The following CRACD variants were observed in gnomAD, a reference collection of about 807,000 sequenced individuals.
The protein encoded by CRACD is capping protein inhibiting regulator of actin dynamics.
CRACD carries 56 observed loss-of-function variants against 106.8 expected under a neutral mutation model. That is an observed-to-expected ratio of 0.52 (90% CI 0.42 to 0.66). The LOEUF (loss-of-function observed/expected upper bound fraction) is 0.66, where lower values mean the gene tolerates loss of function less well. CRACD is among the 30% of genes least tolerant of loss of function. The probability of loss-of-function intolerance (pLI) is 0.00; values close to 1 mark genes in which losing one functional copy is unlikely to be tolerated. For synonymous variants in CRACD, 754 were observed against 670.8 expected, an observed-to-expected ratio of 1.12 and a Z score of -1.92; for missense variants, 1,730 against 1,623.2, an observed-to-expected ratio of 1.07 and a Z score of -1.13.
intron 3 of CRACD, among the ~76,000 whole-genome samples, chr4:56,296,104 C>T (rs1744010016): frequency 6.6e-6 from 1 of 152,176 alleles, no homozygotes; most frequent in South Asian, 2.1e-4. Flanking sequence ...TCTTCCTCTC[C>T]CATACCCTGT....
intron 1 of CRACD, among the ~76,000 whole-genome samples, chr4:56,099,487 G>A (rs752288312): frequency 2.0e-4 from 31 of 152,092 alleles, no homozygotes; most frequent in Non-Finnish European, 3.5e-4. Flanking sequence ...TCCTTCAGCC[G>A]CTCACACTGG....
chr4:56,327,923 G>T lies in CRACD; in HGVS notation c.*119G>T. ...TAGGGAAAAGAAGCATGTTTTATAG[G>T]CTCCAAAATAATGTTTAGAAACTGA... On this transcript the variant is annotated 3_prime_UTR_variant, in exon 11 of 11. Coordinates refer to ENST00000682029, the MANE Select transcript of CRACD (RefSeq NM_001393381.1). The T allele has an allele frequency of 3.4e-6, 3 of 884,128 alleles. No homozygotes were observed. The Admixed American group carries it at 8.5e-5, about 25-fold the overall frequency. 54.8% of individuals were successfully genotyped at this position (884,128 alleles called of 1,614,324 possible). A position where few individuals can be genotyped will look rare whatever the true frequency, so the allele number is the denominator to read the frequency against.
intron 2 of CRACD, among the ~76,000 whole-genome samples, chr4:56,199,673 C>T (rs1737788087): frequency 7.3e-6 from 1 of 136,374 alleles, no homozygotes; most frequent in Admixed American, 7.8e-5. Flanking sequence ...CAGAGCGAAA[C>T]TCCGTCTCAA....
intron 2 of CRACD, among the ~76,000 whole-genome samples, chr4:56,257,005 A>G (rs1158429031): frequency 1.3e-5 from 2 of 152,056 alleles, no homozygotes; most frequent in African/African-American, 4.8e-5. Context: ...AGGCAATAAG[A>G]TACATTACAA....
At chr4:56,267,369 G>C (rs1254345247) in intron 2 of CRACD, among the ~76,000 whole-genome samples, 1 of 152,132 alleles carries the variant, frequency 6.6e-6, no homozygotes, top group Non-Finnish European at 1.5e-5. Flanking sequence ...TGATCCGCCT[G>C]CCTCAGCCCC....
chr4:56,264,176 G>A (rs756043409), intron 2 of CRACD, among the ~76,000 whole-genome samples: 1 of 152,100 alleles, frequency 6.6e-6, no homozygotes, highest in Non-Finnish European at 1.5e-5. Flanking sequence ...CATGAGAACA[G>A]CAAGGGAGAA....
intron 2 of CRACD, among the ~76,000 whole-genome samples, chr4:56,191,007 T>C (rs1737346075): frequency 6.6e-6 from 1 of 151,986 alleles, no homozygotes; most frequent in Admixed American, 6.6e-5. Context: ...CAAGATGAGA[T>C]TTTCATGGGG....
chr4:56,128,818 T>C (rs940419849), intron 1 of CRACD, among the ~76,000 whole-genome samples: 18 of 152,120 alleles, frequency 1.2e-4, no homozygotes, highest in Admixed American at 3.3e-4. Flanking sequence ...AAAGACCATA[T>C]TCTGTGATAA....
chr4:56,139,025 G>A (rs1735104888), intron 1 of CRACD, among the ~76,000 whole-genome samples: 1 of 152,152 alleles, frequency 6.6e-6, no homozygotes, highest in East Asian at 1.9e-4. Flanking sequence ...CTGATGACAT[G>A]AAGAAAAATG....
chr4:56,096,394 G>A (rs1733600458), intron 1 of CRACD, among the ~76,000 whole-genome samples: 1 of 152,118 alleles, frequency 6.6e-6, no homozygotes, highest in Non-Finnish European at 1.5e-5. Context: ...AAGTTCTGGA[G>A]CCTAAAGATG....
intron 2 of CRACD, among the ~76,000 whole-genome samples, chr4:56,252,355 T>A (rs1039387314): frequency 7.9e-5 from 12 of 152,054 alleles, no homozygotes; most frequent in African/African-American, 2.7e-4. Context: ...TACCAGGGAT[T>A]TTTTTTTCCC....
chr4:56,190,351 G>T (rs1463454202), intron 2 of CRACD, among the ~76,000 whole-genome samples: 5 of 152,080 alleles, frequency 3.3e-5, no homozygotes, highest in Non-Finnish European at 7.4e-5. Context: ...GGGATGGCTG[G>T]GTCAAATGCT....
At chr4:56,087,122 C>A (rs1212899106) in intron 1 of CRACD, among the ~76,000 whole-genome samples, 1 of 152,072 alleles carries the variant, frequency 6.6e-6, no homozygotes, top group East Asian at 1.9e-4. Flanking sequence ...AGCAACTCTC[C>A]CTGCCTCAGC....
intron 3 of CRACD, among the ~76,000 whole-genome samples, chr4:56,289,908 T>C (rs1743606917): frequency 6.6e-6 from 1 of 152,220 alleles, no homozygotes; most frequent in South Asian, 2.1e-4. Flanking sequence ...TCTGTTTTGA[T>C]TGAGTCTCTC....
intron 2 of CRACD, among the ~76,000 whole-genome samples, chr4:56,239,393 T>C (rs1740224007): frequency 6.6e-6 from 1 of 152,102 alleles, no homozygotes; most frequent in African/African-American, 2.4e-5. Flanking sequence ...TTTTATTTCC[T>C]TGGGGAAACA....
intron 1 of CRACD, among the ~76,000 whole-genome samples, chr4:56,168,373 G>T (rs1736231914): frequency 6.6e-6 from 1 of 151,946 alleles, no homozygotes; most frequent in Non-Finnish European, 1.5e-5. Context: ...AACCGACCTT[G>T]CATTCCTGGG....
chr4:56,328,434 T>C lies in CRACD; in HGVS notation c.*630T>C. ...ATCCATTCACATTTTTACCGCACTG[T>C]GGATTCATAGTGTGGGGCCCTGTTA... On this transcript the variant is annotated 3_prime_UTR_variant, in exon 11 of 11. Coordinates refer to ENST00000682029, the MANE Select transcript of CRACD (RefSeq NM_001393381.1). The C allele has an allele frequency of 1.9e-6, 1 of 517,956 alleles. No individual in the cohort carries two copies. The allele number at this position is 517,956 out of a possible 1,614,324, so 32.1% of individuals were successfully genotyped here. A position where few individuals can be genotyped will look rare whatever the true frequency, so the allele number is the denominator to read the frequency against.
intron 1 of CRACD, among the ~76,000 whole-genome samples, chr4:56,083,716 T>C (rs1733116949): frequency 1.3e-5 from 2 of 152,140 alleles, no homozygotes; most frequent in African/African-American, 4.8e-5. Flanking sequence ...GGCTCATACC[T>C]AGAATCCCAA....
intron 1 of CRACD, among the ~76,000 whole-genome samples, chr4:56,063,367 T>G (rs1444369819): frequency 4.6e-5 from 7 of 152,082 alleles, no homozygotes; most frequent in Non-Finnish European, 8.8e-5. Context: ...CAAAAAAATT[T>G]TTTATTGTGG....
Sources: gnomAD v4.1 joint callset for allele counts (sites outside exome capture counted in the v4.1 genomes callset) on GRCh38, gnomAD v4.1.1 for gene constraint, MANE v1.5 for transcripts, NCBI Gene and HGNC (gene_info 2026-07-23, HGNC 2026-07-21) for gene names.